Variants in ZNF438 observed in about 807,000 individuals in gnomAD.
The protein encoded by ZNF438 is zinc finger protein 438.
Under a neutral mutation model 38.0 loss-of-function variants are expected in ZNF438, and 25 were observed. The observed-to-expected ratio is 0.66, with a 90% CI of 0.48 to 0.92. ZNF438 has a LOEUF of 0.92. ZNF438 is among the 40% of genes least tolerant of loss of function. The pLI, the probability that ZNF438 is intolerant of heterozygous loss-of-function variation, is 0.00. For missense variants in ZNF438, 1,007 were observed against 999.6 expected (o/e 1.01, Z -0.10); for synonymous variants, 372 against 364.1 (o/e 1.02, Z -0.25).
At chr10:31,028,263 C>T (rs2057068805) in intron 1 of ZNF438, among the ~76,000 whole-genome samples, 1 of 152,118 alleles carries the variant, frequency 6.6e-6, no homozygotes, top group Admixed American at 6.5e-5. Flanking sequence ...CTTCACCCAA[C>T]CCCTCCATCA....
chr10:30,916,580 T>C (rs371376008), intron 2 of ZNF438, among the ~76,000 whole-genome samples: 40 of 152,210 alleles, frequency 2.6e-4, no homozygotes, highest in African/African-American at 9.4e-4. Context: ...ATCCCTAATA[T>C]CTTGCTTAAT....
chr10:31,018,001 G>T (rs1031611257), intron 1 of ZNF438, among the ~76,000 whole-genome samples: 15 of 152,210 alleles, frequency 9.9e-5, no homozygotes, highest in African/African-American at 3.1e-4. Context: ...CTTTGTTGTT[G>T]TAAGGAACTG....
At chr10:30,917,546 A>G (rs1167822590) in intron 2 of ZNF438, among the ~76,000 whole-genome samples, 3 of 152,160 alleles carry the variant, frequency 2.0e-5, no homozygotes, top group South Asian at 4.1e-4. Flanking sequence ...CATTTCCCAG[A>G]TGACAAATGA....
At chr10:30,921,941 G>T (rs2044345118) in intron 2 of ZNF438, among the ~76,000 whole-genome samples, 2 of 152,018 alleles carry the variant, frequency 1.3e-5, no homozygotes, top group Admixed American at 1.3e-4. Flanking sequence ...AAACCTCCAG[G>T]GTTCCAAAAA....
At chr10:30,998,340 A>G (rs2054268112) in intron 1 of ZNF438, among the ~76,000 whole-genome samples, 1 of 151,770 alleles carries the variant, frequency 6.6e-6, no homozygotes, top group African/African-American at 2.4e-5. Flanking sequence ...GGAGTTTGAG[A>G]CCATCCTGGC....
chr10:31,006,464 C>T (rs1019443126), intron 1 of ZNF438, among the ~76,000 whole-genome samples: 3 of 152,158 alleles, frequency 2.0e-5, no homozygotes, highest in African/African-American at 7.2e-5. Flanking sequence ...GAGTTCCTTG[C>T]CCCTTCCACA....
chr10:30,868,992 A>G (rs1014824835), intron 4 of ZNF438, among the ~76,000 whole-genome samples: 1 of 152,248 alleles, frequency 6.6e-6, no homozygotes, highest in East Asian at 1.9e-4. Context: ...AATTTCTGAG[A>G]GACTCTGCTG....
intron 5 of ZNF438, among the ~76,000 whole-genome samples, chr10:30,848,064 C>A (rs117227511): frequency 0.046 from 6,931 of 152,282 alleles, 214 homozygotes; most frequent in Middle Eastern, 0.071. Context: ...TACCAGGAAG[C>A]AGTGCTTGCA....
intron 1 of ZNF438, among the ~76,000 whole-genome samples, chr10:31,010,404 A>G (rs747961350): frequency 2.0e-5 from 3 of 152,208 alleles, no homozygotes; most frequent in Non-Finnish European, 4.4e-5. Flanking sequence ...AAGTAGTCCT[A>G]ATTCAGAGCT....
chr10:30,901,666 C>T (rs1170456989), intron 3 of ZNF438, among the ~76,000 whole-genome samples: 3 of 151,892 alleles, frequency 2.0e-5, no homozygotes, highest in South Asian at 2.1e-4. Context: ...ATGGTCTCAC[C>T]GCTCGGCGAT....
chr10:30,922,863 A>G (rs1180320523), intron 2 of ZNF438, among the ~76,000 whole-genome samples: 1 of 152,038 alleles, frequency 6.6e-6, no homozygotes, highest in African/African-American at 2.4e-5. Flanking sequence ...AAGAAAAACC[A>G]TTGTCTAAAA....
intron 2 of ZNF438, among the ~76,000 whole-genome samples, chr10:30,912,521 C>A (rs1282547643): frequency 6.6e-6 from 1 of 151,992 alleles, no homozygotes; most frequent in African/African-American, 2.4e-5. Context: ...TAAAAATGAA[C>A]TTTTTTGTTC....
chr10:30,977,294 G>A (rs186297838), intron 1 of ZNF438, among the ~76,000 whole-genome samples: 62 of 152,238 alleles, frequency 4.1e-4, no homozygotes, highest in African/African-American at 1.4e-3. Flanking sequence ...TTATATTAGC[G>A]TATAAACTTT....
chr10:30,892,989 T>C (rs937942359), intron 3 of ZNF438, among the ~76,000 whole-genome samples: 2 of 152,212 alleles, frequency 1.3e-5, no homozygotes, highest in African/African-American at 4.8e-5. Flanking sequence ...GTGTGCACCC[T>C]TGCATGTACA....
intron 3 of ZNF438, among the ~76,000 whole-genome samples, chr10:30,898,083 T>A (rs867237129): frequency 6.6e-6 from 1 of 152,136 alleles, no homozygotes; most frequent in African/African-American, 2.4e-5. Context: ...GTTTGGGGGG[T>A]TAACTTTAGT....
chr10:30,896,573 G>A (rs1266523711), intron 3 of ZNF438, among the ~76,000 whole-genome samples: 5 of 152,082 alleles, frequency 3.3e-5, no homozygotes, highest in African/African-American at 9.7e-5. Context: ...AACATTGTAT[G>A]ATTCCATATA....
At chr10:31,013,093 G>A (rs533078930) in intron 1 of ZNF438, among the ~76,000 whole-genome samples, 17 of 152,316 alleles carry the variant, frequency 1.1e-4, no homozygotes, top group African/African-American at 3.6e-4. Context: ...GCCGAGGCGG[G>A]CGGATCACGA....
At chr10:31,000,675 G>A (rs1733848458) in intron 1 of ZNF438, among the ~76,000 whole-genome samples, 1 of 151,908 alleles carries the variant, frequency 6.6e-6, no homozygotes, top group Admixed American at 6.6e-5. Context: ...AGGGCATATG[G>A]TTGGCTGGCC....
chr10:30,954,641 G>A (rs1325181283), intron 1 of ZNF438, among the ~76,000 whole-genome samples: 1 of 152,096 alleles, frequency 6.6e-6, no homozygotes, highest in Non-Finnish European at 1.5e-5. Flanking sequence ...TATTATGGGT[G>A]TTGTTTCAAA....
Sources: gnomAD v4.1 joint callset for allele counts (sites outside exome capture counted in the v4.1 genomes callset) on GRCh38, gnomAD v4.1.1 for gene constraint, MANE v1.5 for transcripts, NCBI Gene and HGNC (gene_info 2026-07-23, HGNC 2026-07-21) for gene names.